THRB: variants seen among roughly 807,000 people sequenced by gnomAD.
THRB encodes the protein thyroid hormone receptor beta.
Under a neutral mutation model 47.8 loss-of-function variants are expected in THRB, and 12 were observed. That is an observed-to-expected ratio of 0.25 (90% CI 0.16 to 0.41). The LOEUF (loss-of-function observed/expected upper bound fraction) is 0.41, where lower values mean the gene tolerates loss of function less well. Ranked by LOEUF, THRB falls within the 10% of genes least tolerant of loss-of-function variation. The pLI, the probability that THRB is intolerant of heterozygous loss-of-function variation, is 1.00. For missense variants in THRB, 348 were observed against 589.2 expected, an observed-to-expected ratio of 0.59 and a Z score of 4.24; for synonymous variants, 218 against 212.2, an observed-to-expected ratio of 1.03 and a Z score of -0.24.
intron 4 of THRB, among the ~76,000 whole-genome samples, chr3:24,194,283 TTAAAAA>T (rs1390764402): frequency 4.0e-4 from 61 of 152,204 alleles, no homozygotes; most frequent in African/African-American, 1.4e-3. Context: ...AAATAAAAAA[TTAAAAA>T]TAAAAGCCTG....
chr3:24,438,505 A>AGG (rs1413406281), intron 1 of THRB, among the ~76,000 whole-genome samples: 2 of 84,672 alleles, frequency 2.4e-5, no homozygotes, highest in African/African-American at 7.2e-5. Flanking sequence ...GAGAACAAAA[A>AGG]GGTGTGTGTG....
At chr3:24,420,583 A>C (rs1353450111) in intron 1 of THRB, among the ~76,000 whole-genome samples, 1 of 151,988 alleles carries the variant, frequency 6.6e-6, no homozygotes, top group African/African-American at 2.4e-5. Context: ...CATATGGCCA[A>C]CAAGCATATG....
chr3:24,397,566 T>C (rs1560098120), intron 1 of THRB, among the ~76,000 whole-genome samples: 1 of 151,708 alleles, frequency 6.6e-6, no homozygotes, highest in Non-Finnish European at 1.5e-5. Flanking sequence ...AGCTGGCCCC[T>C]GCATGAATGC....
intron 3 of THRB, among the ~76,000 whole-genome samples, chr3:24,279,760 C>A (rs187695436): frequency 1.3e-5 from 2 of 152,060 alleles, no homozygotes; most frequent in Admixed American, 1.3e-4. Context: ...CCTCACATTG[C>A]CTTGTAAGAC....
At chr3:24,460,377 C>T (rs1487597420) in intron 1 of THRB, among the ~76,000 whole-genome samples, 1 of 152,118 alleles carries the variant, frequency 6.6e-6, no homozygotes, top group Non-Finnish European at 1.5e-5. Context: ...AAAAAGTTTA[C>T]CCTCAATTAT....
At chr3:24,146,101 T>C (rs2036065373) in intron 7 of THRB, among the ~76,000 whole-genome samples, 1 of 152,208 alleles carries the variant, frequency 6.6e-6, no homozygotes, top group South Asian at 2.1e-4. Context: ...AATGTCTTTA[T>C]TGCTAAAAAT....
chr3:24,288,635 G>C (rs537100228), intron 3 of THRB, among the ~76,000 whole-genome samples: 1 of 152,214 alleles, frequency 6.6e-6, no homozygotes, highest in Non-Finnish European at 1.5e-5. Context: ...TTTTTCTGCC[G>C]ATATAAGCAA....
intron 10 of THRB, among the ~76,000 whole-genome samples, chr3:24,126,564 CAAA>C (rs1276150004): frequency 6.6e-6 from 1 of 151,852 alleles, no homozygotes; most frequent in Non-Finnish European, 1.5e-5. Flanking sequence ...TCTATGTCCT[CAAA>C]AAAAAGAAGT....
At chr3:24,361,027 T>A (rs2064026235) in intron 1 of THRB, among the ~76,000 whole-genome samples, 1 of 152,064 alleles carries the variant, frequency 6.6e-6, no homozygotes. Context: ...TATGGAGAAA[T>A]TTGGGCAGAG....
Position 24,133,303 on chromosome 3 carries a change from A to ACAACAT in THRB, c.885+7_885+12dup, listed in dbSNP as rs764811451. On this transcript the variant is annotated intron_variant, in intron 9 of 10. Transcript: ENST00000646209. Reference sequence around the variant, plus strand: ...AATTAAGAATAATGCAGAAGGAAAAACAACATCCTCACCTCACAAAACATA... The same window carrying ACAACAT: ...AATTAAGAATAATGCAGAAGGAAAAACAACATCAACATCCTCACCTCACAAAACATA... The ACAACAT allele has an allele frequency of 1.9e-6, 3 of 1,613,952 alleles. No individual in the cohort carries two copies. Among genetic ancestry groups the ACAACAT allele is most frequent in the Non-Finnish European group, 2.5e-6 (3 of 1,179,828 alleles).
intron 3 of THRB, among the ~76,000 whole-genome samples, chr3:24,236,730 A>G (rs945776186): frequency 2.8e-4 from 43 of 152,252 alleles, no homozygotes; most frequent in African/African-American, 8.4e-4. Flanking sequence ...GTTACTTTGC[A>G]TGTTCATTTA....
rs117508365 is a variant in THRB at position 24,391,609 on chromosome 3, A to G, written c.-260-54238T>C. 1.2e-3 allele frequency among the ~76,000 whole-genome samples: 182 copies of G among 152,310 alleles called. No homozygotes were observed. The East Asian group carries it at 0.032, about 27-fold the overall frequency. On this transcript the variant is annotated intron_variant, in intron 1 of 10. Transcript: ENST00000646209. Reference sequence around the variant, plus strand: ...AAAGACACTTATCTCAGTTTAGAATATACGTATAAACAGGGCATTCATTTC... The same window carrying G: ...AAAGACACTTATCTCAGTTTAGAATGTACGTATAAACAGGGCATTCATTTC...
At position 24,190,102 on chromosome 3, in the gene THRB, G is replaced by A. The variant is rs1199569847; in HGVS notation, c.255C>T (p.Thr85=). The change falls in exon 5 of 11, where the codon ACC becomes ACT. Residue 85 remains threonine (T), a synonymous_variant. Coordinates refer to ENST00000646209, the MANE Select transcript of THRB (RefSeq NM_001354712.2). ...TACATTTCTTCTCCTCCGTTTGGAA[G>A]GTCTGGGCACTTGAGACACTCTGGT... The part of the protein sequence containing the change: ...VNDQSVSSAQ[T]FQTEEKKCKG... 2 of 1,614,084 alleles carry A rather than the reference G, an allele frequency of 1.2e-6. No individual in the cohort carries two copies. The highest frequency in any genetic ancestry group is 1.3e-5 in the African/African-American group (1 of 75,036).
At chr3:24,437,433 T>C (rs2071083935) in intron 1 of THRB, among the ~76,000 whole-genome samples, 2 of 151,810 alleles carry the variant, frequency 1.3e-5, no homozygotes, top group Non-Finnish European at 2.9e-5. Context: ...AAAAATACAG[T>C]TAGATGGAAG....
rs79536067 is a variant in THRB at position 24,215,931 on chromosome 3, T to C, written c.22+13007A>G. ...GGTCCATAAATGACCTTGACAAGTG[T>C]CACCTGCCAACCAAGAACATGTGGT... On this transcript the variant is annotated intron_variant, in intron 4 of 10. Coordinates refer to ENST00000646209, the MANE Select transcript of THRB (RefSeq NM_001354712.2). Among the ~76,000 whole-genome samples, 625 of 152,120 alleles carry C rather than the reference T, an allele frequency of 4.1e-3. 3 individuals are homozygous for C. Among genetic ancestry groups the C allele is most frequent in the African/African-American group, 0.015 (607 of 41,382 alleles).
At chr3:24,343,469 C>G (rs71328474) in intron 1 of THRB, among the ~76,000 whole-genome samples, 4,602 of 152,156 alleles carry the variant, frequency 0.03, 106 homozygotes, top group Non-Finnish European at 0.045. Context: ...ACGAAACAAG[C>G]GCAAGAGTAC....
At chr3:24,133,874 G>A (rs909986050) in intron 8 of THRB, among the ~76,000 whole-genome samples, 9 of 152,290 alleles carry the variant, frequency 5.9e-5, no homozygotes, top group Admixed American at 6.5e-5. Flanking sequence ...TGGGCACACC[G>A]TGGGCAGTGA....
intron 1 of THRB, among the ~76,000 whole-genome samples, chr3:24,363,809 T>C (rs1044897909): frequency 2.6e-5 from 4 of 152,206 alleles, no homozygotes; most frequent in African/African-American, 9.6e-5. Flanking sequence ...AAGTCATGTC[T>C]GTGTATTCGG....
At position 24,424,021 on chromosome 3, in the gene THRB, C is replaced by A. The variant is rs569063976; in HGVS notation, c.-261+70631G>T. 2.8e-4 allele frequency among the ~76,000 whole-genome samples: 43 copies of A among 151,916 alleles called. No homozygotes were observed. In the South Asian group the frequency reaches 6.6e-3, roughly 23 times the overall value. On this transcript the variant is annotated intron_variant, in intron 1 of 10. Coordinates refer to ENST00000646209, the MANE Select transcript of THRB (RefSeq NM_001354712.2). ...GAGAATCATCAAAGCATTTATAGTT[C>A]AGTTAACTTAAGAAGAGGACTTCAG...
Sources: allele counts gnomAD v4.1 joint callset (sites outside exome capture counted in the v4.1 genomes callset), GRCh38; gene constraint gnomAD v4.1.1; transcripts MANE v1.5; gene names NCBI Gene and HGNC (gene_info 2026-07-23, HGNC 2026-07-21).